CTNNA2: variants seen among roughly 807,000 people sequenced by gnomAD.
CTNNA2 encodes the protein catenin alpha-2.
Under a neutral mutation model 101.0 loss-of-function variants are expected in CTNNA2, and 42 were observed. The observed-to-expected ratio is 0.42, with a 90% CI of 0.32 to 0.54. The LOEUF (loss-of-function observed/expected upper bound fraction) is 0.54. CTNNA2 is among the 20% of genes least tolerant of loss of function. The probability of loss-of-function intolerance (pLI) is 0.14; values close to 1 mark genes in which losing one functional copy is unlikely to be tolerated. For synonymous variants in CTNNA2, 450 were observed against 456.4 expected (o/e 0.99, Z 0.18); for missense variants, 871 against 1,223.1 (o/e 0.71, Z 4.29).
intron 7 of CTNNA2, among the ~76,000 whole-genome samples, chr2:80,349,229 G>C (rs1673060535): frequency 6.6e-6 from 1 of 152,096 alleles, no homozygotes; most frequent in Non-Finnish European, 1.5e-5. Flanking sequence ...ATATCCTTGT[G>C]AATTCTTTTC....
chr2:79,797,323 G>C (rs1242361890), intron 3 of CTNNA2, among the ~76,000 whole-genome samples: 3 of 152,018 alleles, frequency 2.0e-5, no homozygotes, highest in Admixed American at 6.6e-5. Flanking sequence ...AGCATGATTG[G>C]TCTCATTTCC....
At chr2:80,398,005 G>A (rs552793489) in intron 8 of CTNNA2, among the ~76,000 whole-genome samples, 2 of 152,170 alleles carry the variant, frequency 1.3e-5, no homozygotes, top group Non-Finnish European at 2.9e-5. Flanking sequence ...TTGGTGGCAC[G>A]AATGCACTGT....
At chr2:79,487,241 T>C (rs1671167181) in intron 4 of CTNNA2, among the ~76,000 whole-genome samples, 1 of 65,048 alleles carries the variant, frequency 1.5e-5, no homozygotes, top group Non-Finnish European at 2.9e-5. Flanking sequence ...AGATTGTAAA[T>C]ATTCTATACG....
intron 3 of CTNNA2, among the ~76,000 whole-genome samples, chr2:79,346,648 TA>T (rs1290412542): frequency 6.6e-6 from 1 of 152,206 alleles, no homozygotes; most frequent in East Asian, 1.9e-4. Context: ...TCCTAATTGA[TA>T]AAAAAGAACA....
intron 14 of CTNNA2, among the ~76,000 whole-genome samples, chr2:80,585,670 G>C (rs983808043): frequency 1.3e-5 from 2 of 152,078 alleles, no homozygotes; most frequent in African/African-American, 4.8e-5. Flanking sequence ...TGGCCTTAAT[G>C]TGTTAACATT....
At chr2:79,422,621 A>G (rs761804157) in intron 4 of CTNNA2, among the ~76,000 whole-genome samples, 5 of 152,252 alleles carry the variant, frequency 3.3e-5, no homozygotes, top group Non-Finnish European at 7.3e-5. Context: ...AGGGGGTACC[A>G]TTCCCAGAAT....
intron 7 of CTNNA2, among the ~76,000 whole-genome samples, chr2:79,910,746 AC>A (rs1194119093): frequency 1.3e-5 from 2 of 152,072 alleles, no homozygotes; most frequent in South Asian, 2.1e-4. Context: ...TTATTAGAAC[AC>A]CCCGAGGCAA....
chr2:79,245,053 C>T (rs1053216234), intron 2 of CTNNA2, among the ~76,000 whole-genome samples: 1 of 151,724 alleles, frequency 6.6e-6, no homozygotes, highest in African/African-American at 2.4e-5. Flanking sequence ...TGAAATCACA[C>T]CATTACACTC....
At chr2:79,595,049 A>T (rs1214630730) in intron 1 of CTNNA2, among the ~76,000 whole-genome samples, 1 of 151,942 alleles carries the variant, frequency 6.6e-6, no homozygotes, top group Non-Finnish European at 1.5e-5. Flanking sequence ...TGATTAGATG[A>T]CTGTGACATT....
At position 80,043,181 on chromosome 2, in the gene CTNNA2, C is replaced by T. The variant is rs796155066; in HGVS notation, c.1056+133384C>T. Among the ~76,000 whole-genome samples, 275 of 65,718 alleles carry T rather than the reference C, an allele frequency of 4.2e-3. 3 individuals are homozygous for T. The highest frequency in any genetic ancestry group is 0.02 in the African/African-American group (262 of 13,356). The allele number at this position is 65,718 out of a possible 152,430, so 43.1% of individuals were successfully genotyped here. The stretch of plus-strand genomic sequence containing the variant: ...TCCTTCCTTCCTTCCTTCCTTCCTT[C>T]CTTTCTTTCTTTCTTTCTCTCTCTC... On this transcript the variant is annotated intron_variant, in intron 7 of 18. Transcript: ENST00000402739.
intron 7 of CTNNA2, among the ~76,000 whole-genome samples, chr2:80,081,874 ATAAT>A (rs1214650610): frequency 2.1e-4 from 32 of 152,274 alleles, no homozygotes; most frequent in East Asian, 1.9e-4. Context: ...AGCTGAGGAA[ATAAT>A]TAATACCAAA....
Position 80,647,880 on chromosome 2 carries a change from G to T in CTNNA2, c.*8G>T. On this transcript the variant is annotated 3_prime_UTR_variant, in exon 19 of 19. Coordinates refer to ENST00000402739, the MANE Select transcript of CTNNA2 (RefSeq NM_001282597.3). ...GCAATGGATTCCTTCTAGGACGATA[G>T]GTTTTAACAAGAAAGCTTTTTCTTT... 1 of 1,542,980 alleles carries T rather than the reference G, an allele frequency of 6.5e-7. No homozygotes were observed. Among genetic ancestry groups the T allele is most frequent in the South Asian group, 1.3e-5 (1 of 79,858 alleles).
At chr2:79,696,395 G>T (rs1573709636) in intron 2 of CTNNA2, among the ~76,000 whole-genome samples, 1 of 152,138 alleles carries the variant, frequency 6.6e-6, no homozygotes, top group South Asian at 2.1e-4. Flanking sequence ...ACTGGGAACT[G>T]CAACAGCCAG....
intron 7 of CTNNA2, among the ~76,000 whole-genome samples, chr2:80,043,157 CCTTCCTTCCTTCCTTCCTTCCTTCCTTT>C (rs1414398992): frequency 0.035 from 2,950 of 83,382 alleles, 108 homozygotes; most frequent in Admixed American, 0.056. Context: ...TTCCTTCCTT[CCTTCCTTCCTTCCTTCCTTCCTTCCTTT>C]CTTTCTTTCT....
chr2:79,917,799 C>T (rs1245670274), intron 7 of CTNNA2, among the ~76,000 whole-genome samples: 1 of 152,100 alleles, frequency 6.6e-6, no homozygotes, highest in Non-Finnish European at 1.5e-5. Flanking sequence ...CTGGTAGAAT[C>T]ATGACAGGGA....
chr2:79,854,800 A>C (rs1558583467), intron 3 of CTNNA2, among the ~76,000 whole-genome samples: 1 of 152,226 alleles, frequency 6.6e-6, no homozygotes, highest in Non-Finnish European at 1.5e-5. Context: ...TAAAAGAAGC[A>C]GGCAGATCTC....
At chr2:80,082,106 G>A (rs151069282) in intron 7 of CTNNA2, among the ~76,000 whole-genome samples, 172 of 152,160 alleles carry the variant, frequency 1.1e-3, no homozygotes, top group African/African-American at 4.0e-3. Context: ...TGAACGTTTG[G>A]TGAAATTTCC....
At chr2:80,473,378 T>G (rs2149489117) in intron 9 of CTNNA2, among the ~76,000 whole-genome samples, 1 of 152,324 alleles carries the variant, frequency 6.6e-6, no homozygotes, top group South Asian at 2.1e-4. Flanking sequence ...AAAACTATCA[T>G]GAAGGGCTTT....
At chr2:79,386,591 C>T (rs1435789988) in intron 4 of CTNNA2, among the ~76,000 whole-genome samples, 1 of 152,142 alleles carries the variant, frequency 6.6e-6, no homozygotes, top group Non-Finnish European at 1.5e-5. Context: ...TTTCATAATA[C>T]ACTCTGTCTT....
Sources: allele counts gnomAD v4.1 joint callset (sites outside exome capture counted in the v4.1 genomes callset), GRCh38; gene constraint gnomAD v4.1.1; transcripts MANE v1.5; gene names NCBI Gene and HGNC (gene_info 2026-07-23, HGNC 2026-07-21).